The following TTLL3 variants were observed in gnomAD, a reference collection of about 807,000 sequenced individuals.
TTLL3 encodes tubulin tyrosine ligase like 3, also known as tubulin monoglycylase TTLL3.
TTLL3 carries 63 observed loss-of-function variants against 75.2 expected under a neutral mutation model. The ratio of observed to expected loss-of-function variants is 0.84; its 90% CI spans 0.68 to 1.03. The LOEUF (loss-of-function observed/expected upper bound fraction) is 1.03, where lower values mean the gene tolerates loss of function less well. Among genes scored for constraint, TTLL3 ranks in the 50% least tolerant of loss-of-function variants. TTLL3 has a pLI of 0.00. For missense variants in TTLL3, 997 were observed against 1,069.9 expected (o/e 0.93, Z 0.95); for synonymous variants, 393 against 418.5 (o/e 0.94, Z 0.74).
chr3:9,823,409 T>G (rs551657404), intron 8 of TTLL3, among the ~76,000 whole-genome samples: 208 of 150,814 alleles, frequency 1.4e-3, no homozygotes, highest in Admixed American at 4.5e-3. Flanking sequence ...CCAGTTTTTT[T>G]TTTTTTTTTT....
chr3:9,826,617 C>T (rs575640259), intron 9 of TTLL3, among the ~76,000 whole-genome samples: 2 of 151,566 alleles, frequency 1.3e-5, no homozygotes, highest in Admixed American at 1.3e-4. Context: ...CCCATAATCC[C>T]AGCTACTCGG....
At chr3:9,822,424 C>G (rs991877993) in intron 8 of TTLL3, among the ~76,000 whole-genome samples, 1 of 152,140 alleles carries the variant, frequency 6.6e-6, no homozygotes, top group African/African-American at 2.4e-5. Flanking sequence ...ATAAGAACCT[C>G]TCTAAAGTCG....
chr3:9,820,984 A>G (rs551246990), intron 8 of TTLL3: 5 of 533,878 alleles, frequency 9.4e-6, no homozygotes, highest in Non-Finnish European at 1.3e-5. Context: ...CACATTACCC[A>G]AAGTGTGTGT....
In TTLL3 at chr3:9,813,108, G is replaced by T. The variant is rs2079501307; in HGVS notation, c.214G>T (p.Asp72Tyr). The change falls in exon 3 of 14, where the codon GAT becomes TAT. Residue 72 changes from aspartate to tyrosine, a missense_variant. Transcript: ENST00000685419. ...SAMGDSDTTE[D>Y]EDEDEDEEFQ... ...GATGGGTGACAGTGACACCACTGAG[G>T]ATGGTGAGTGGTTCCTTCCCTTTCC... 6.3e-7 allele frequency: 1 copy of T among 1,583,840 alleles called. No individual in the cohort carries two copies. Among genetic ancestry groups the T allele is most frequent in the East Asian group, 2.2e-5 (1 of 44,502 alleles).
At position 9,820,708 on chromosome 3, in the gene TTLL3, C is replaced by T. The variant is rs761067691; in HGVS notation, c.821C>T (p.Ser274Phe). ...APLYLTPEGWSLFLQRYYQVV... is the reference protein window; with the variant it reads ...APLYLTPEGWFLFLQRYYQVV... Reference sequence around the variant, plus strand: ...CTGTACCTCACCCCCGAGGGCTGGTCCCTCTTCCTCCAGCGCTACTACCAA... The same window carrying T: ...CTGTACCTCACCCCCGAGGGCTGGTTCCTCTTCCTCCAGCGCTACTACCAA... The change falls in exon 8 of 14, where the codon TCC (serine) becomes TTC (phenylalanine). Residue 274 changes from serine to phenylalanine, a missense_variant. Ser to Phe is a radical substitution (Grantham distance 155). Coordinates refer to ENST00000685419, the MANE Select transcript of TTLL3 (RefSeq NM_001387446.1). The T allele has an allele frequency of 1.2e-6, 2 of 1,614,142 alleles. No individual in the cohort carries two copies. Among genetic ancestry groups the T allele is most frequent in the South Asian group, 2.2e-5 (2 of 91,084 alleles).
chr3:9,831,003 A>G (rs749629787), intron 11 of TTLL3, among the ~76,000 whole-genome samples: 4 of 152,008 alleles, frequency 2.6e-5, no homozygotes, highest in Non-Finnish European at 4.4e-5. Context: ...GGGTTTCACC[A>G]TGTTAGCCAG....
At chr3:9,809,850 T>C (rs2079179009), upstream of TTLL3, 4 of 408,788 alleles carry the variant, frequency 9.8e-6, no homozygotes, top group Non-Finnish European at 1.5e-5. Flanking sequence ...GGTCTGATGG[T>C]GCCCAGGGAA....
intron 2 of TTLL3, among the ~76,000 whole-genome samples, chr3:9,812,521 AT>A (rs2079450636): frequency 6.6e-6 from 1 of 151,934 alleles, no homozygotes; most frequent in Non-Finnish European, 1.5e-5. Context: ...AAAAAAAAAA[AT>A]TATCTGGGCG....
chr3:9,813,001 G>C lies in TTLL3; in HGVS notation c.107G>C (p.Arg36Pro), dbSNP rs747479295. The change falls in exon 3 of 14, where the codon CGG (arginine) becomes CCG (proline). Residue 36 changes from arginine (R) to proline (P), a missense_variant. Transcript: ENST00000685419. Reference protein sequence around the residue: ...CYPVIRCLLRRRGWVEKKMVH... With the variant: ...CYPVIRCLLRPRGWVEKKMVH... ...CCGGTGATCCGGTGTCTCTTGCGCC[G>C]GAGGGGCTGGGTGGAGAAGAAGATG... The C allele has an allele frequency of 1.3e-6, 2 of 1,564,282 alleles. No individual in the cohort carries two copies. Among genetic ancestry groups the C allele is most frequent in the Non-Finnish European group, 1.7e-6 (2 of 1,154,048 alleles).
chr3:9,826,125 G>GT (rs2081016098), intron 9 of TTLL3, among the ~76,000 whole-genome samples, 177 bp downstream of exon 9: 1 of 152,242 alleles, frequency 6.6e-6, no homozygotes, highest in South Asian at 2.1e-4. Flanking sequence ...CTGAACCTCA[G>GT]TTCCCTCATC....
At chr3:9,814,924 A>C (rs2079690256) in intron 4 of TTLL3, among the ~76,000 whole-genome samples, 1 of 151,890 alleles carries the variant, frequency 6.6e-6, no homozygotes, top group African/African-American at 2.4e-5. Context: ...AGTGCCACTT[A>C]CTGAGTTCAA....
chr3:9,826,552 G>A (rs576751456), intron 9 of TTLL3, among the ~76,000 whole-genome samples: 11 of 152,056 alleles, frequency 7.2e-5, no homozygotes, highest in African/African-American at 2.7e-4. Flanking sequence ...GGCCAACATG[G>A]TGAAACCCTG....
At position 9,835,079 on chromosome 3, in the gene TTLL3, T is replaced by C; in HGVS notation, c.2053-15T>C. The C allele has an allele frequency of 6.3e-7, 1 of 1,597,672 alleles. No homozygotes were observed. Among genetic ancestry groups the C allele is most frequent in the African/African-American group, 1.3e-5 (1 of 74,592 alleles). Reference sequence around the variant, plus strand: ...TTCTGATCATCTCCCTCTTCTCCCCTCCTTTCACACCGAGGCTCCTGCTCT... The same window carrying C: ...TTCTGATCATCTCCCTCTTCTCCCCCCCTTTCACACCGAGGCTCCTGCTCT... On this transcript the variant is annotated splice_polypyrimidine_tract_variant and intron_variant, in intron 13 of 13. Coordinates refer to ENST00000685419, the MANE Select transcript of TTLL3 (RefSeq NM_001387446.1).
chr3:9,820,462 A>C lies in TTLL3; in HGVS notation c.659-84A>C. ...TCGTGCTGGGCCTCAGGTAAGTGAC[A>C]GGCCTTAGGACAATGGGGGCTGTGG... is the stretch of plus-strand genomic sequence containing the variant. On this transcript the variant is annotated intron_variant, in intron 7 of 13. Coordinates refer to ENST00000685419, the MANE Select transcript of TTLL3 (RefSeq NM_001387446.1). 10 of 1,569,922 alleles carry C rather than the reference A, an allele frequency of 6.4e-6. No homozygotes were observed. In the South Asian group the frequency reaches 1.1e-4, roughly 17 times the overall value.
In TTLL3 at chr3:9,835,106, C is replaced by A. The variant is rs778316074; in HGVS notation, c.2065C>A (p.Leu689Met). The A allele has an allele frequency of 9.3e-6, 15 of 1,610,636 alleles. No homozygotes were observed. In the African/African-American group the frequency reaches 1.6e-4, roughly 17 times the overall value. ...ILKPRKAPAL[L>M]CLRGPQLEVP... ...CTTTCACACCGAGGCTCCTGCTCTC[C>A]TGTGCCTCCGAGGCCCCCAGCTGGA... is the stretch of plus-strand genomic sequence containing the variant. Residue 689 changes from leucine (L) to methionine (M), a missense_variant, in exon 14 of 14, where the codon CTG becomes ATG. Coordinates refer to ENST00000685419, the MANE Select transcript of TTLL3 (RefSeq NM_001387446.1).
intron 8 of TTLL3, 77 bp downstream of exon 8, chr3:9,820,818 T>C (rs1347694082): frequency 6.5e-7 from 1 of 1,549,406 alleles, no homozygotes; most frequent in Non-Finnish European, 8.7e-7. Context: ...GTGCAGCCCC[T>C]ACCCCTTCCC....
chr3:9,835,210 A>T lies in TTLL3; in HGVS notation c.2169A>T (p.Ser723=). 6.2e-7 allele frequency: 1 copy of T among 1,614,212 alleles called. No homozygotes were observed. The highest frequency in any genetic ancestry group is 8.5e-7 in the Non-Finnish European group (1 of 1,180,026). Residue 723 remains serine (S), a synonymous_variant, in exon 14 of 14, where the codon TCA becomes TCT. Coordinates refer to ENST00000685419, the MANE Select transcript of TTLL3 (RefSeq NM_001387446.1). ...PVGRSRPKAN[S]RPDCDKPRAE... is the part of the protein sequence containing the mutation. ...GAAGGTCAAGGCCAAAGGCAAATTC[A>T]AGGCCAGACTGTGACAAACCCAGGG...
chr3:9,821,895 C>G (rs1377714225), intron 8 of TTLL3, among the ~76,000 whole-genome samples: 2 of 150,654 alleles, frequency 1.3e-5, no homozygotes, highest in Non-Finnish European at 3.0e-5. Flanking sequence ...CCCAGCTGCT[C>G]AGGAGGCTGA....
In TTLL3 at chr3:9,810,519, G is replaced by A; in HGVS notation, c.-41-102G>A. On this transcript the variant is annotated intron_variant, in intron 1 of 13. Transcript: ENST00000685419. The surrounding 1 kb of genome is among the most constrained non-coding windows in gnomAD (Gnocchi z 4.4). ...GGTGGGCATCTGGATGAAGGCAGGA[G>A]GAAGAAAAGAGGCGTGGCTATGGGC... 4.1e-6 allele frequency: 6 copies of A among 1,472,088 alleles called. No homozygotes were observed. The South Asian group carries it at 7.0e-5, about 17-fold the overall frequency. The allele number at this position is 1,472,088 out of a possible 1,614,324, so 91.2% of individuals were successfully genotyped here.
Sources: allele counts gnomAD v4.1 joint callset (sites outside exome capture counted in the v4.1 genomes callset), GRCh38; gene constraint gnomAD v4.1.1; non-coding constraint Gnocchi (gnomAD v3.1); transcripts MANE v1.5; gene names NCBI Gene and HGNC (gene_info 2026-07-23, HGNC 2026-07-21).